PSD4: variants seen among roughly 807,000 people sequenced by gnomAD.
The protein encoded by PSD4 is PH and SEC7 domain-containing protein 4.
PSD4 carries 59 observed loss-of-function variants against 112.5 expected under a neutral mutation model. The ratio of observed to expected loss-of-function variants is 0.52; its 90% CI spans 0.43 to 0.65. The LOEUF is 0.65. Among genes scored for constraint, PSD4 ranks in the 30% least tolerant of loss-of-function variants. The pLI is 0.00. For missense variants in PSD4, 1,267 were observed against 1,352.6 expected (o/e 0.94, Z 0.99); for synonymous variants, 533 against 540.0 (o/e 0.99, Z 0.18).
rs45549541 is a variant in PSD4, at chr2:113,177,970, C to A, written c.-112+3916C>A. The stretch of plus-strand genomic sequence containing the variant: ...CTGTGGCTCATGCCTATAATCCCAG[C>A]GCTTTGGGAGGCCAAGGTAGGTGGA... On this transcript the variant is annotated intron_variant, in intron 1 of 16. Coordinates refer to ENST00000245796, the MANE Select transcript of PSD4 (RefSeq NM_012455.3). 4.8e-3 allele frequency among the ~76,000 whole-genome samples: 738 copies of A among 152,286 alleles called. 9 individuals carry two copies. The highest frequency in any genetic ancestry group is 0.017 in the African/African-American group (721 of 41,560).
intron 1 of PSD4, among the ~76,000 whole-genome samples, chr2:113,177,460 C>G (rs1414299450): frequency 6.6e-6 from 1 of 152,172 alleles, no homozygotes; most frequent in South Asian, 2.1e-4. Flanking sequence ...TTGAGTGACT[C>G]AAGTGAATTC....
chr2:113,176,438 G>A lies in PSD4; in HGVS notation c.-112+2384G>A, dbSNP rs781542764. Among the ~76,000 whole-genome samples, 76 of 152,164 alleles carry A rather than the reference G, an allele frequency of 5.0e-4. 1 individual carries two copies. Among genetic ancestry groups the A allele is most frequent in the Non-Finnish European group, 8.2e-4 (56 of 68,038 alleles). ...GAGAAACATACACCCCCTCCCCACC[G>A]TGGTGAAGATTCTCTGAAATGTAGT... On this transcript the variant is annotated intron_variant, in intron 1 of 16. Transcript: ENST00000245796.
intron 12 of PSD4, chr2:113,197,133 G>T: frequency 3.8e-6 from 1 of 265,880 alleles, no homozygotes; most frequent in Non-Finnish European, 7.4e-6. Flanking sequence ...CACAGGGAAG[G>T]GCACCCCAAA....
At chr2:113,185,853 G>A (rs777881550) in intron 4 of PSD4, 24 bp from the exon 5 acceptor site, 9 of 1,599,264 alleles carry the variant, frequency 5.6e-6, no homozygotes, top group East Asian at 2.3e-5. Context: ...CCCTGTGCCC[G>A]CCTCACTTCA....
chr2:113,182,868 A>G lies in PSD4; in HGVS notation c.412A>G (p.Ser138Gly). ...NTASPGSPVN[S>G]HLPGSPKQNR... ...AGCATCACCAGGGTCACCAGTGAACAGCCATCTACCGGGGAGCCCAAAGCA... is the reference window on the plus strand; with the variant it reads ...AGCATCACCAGGGTCACCAGTGAACGGCCATCTACCGGGGAGCCCAAAGCA... Residue 138 changes from serine (S) to glycine (G), a missense_variant, in exon 2 of 17, where the codon AGC becomes GGC. Around this residue, in one of 2 missense-constraint regions of PSD4, gnomAD observed 723 missense variants for 704.0 expected, o/e 1.03. Coordinates refer to ENST00000245796, the MANE Select transcript of PSD4 (RefSeq NM_012455.3). 6.2e-7 allele frequency: 1 copy of G among 1,614,134 alleles called. No individual in the cohort carries two copies. The highest frequency in any genetic ancestry group is 8.5e-7 in the Non-Finnish European group (1 of 1,179,988).
chr2:113,185,625 G>C (rs1688276165), intron 4 of PSD4, 185 bp downstream of exon 4: 1 of 1,548,550 alleles, frequency 6.5e-7, no homozygotes, highest in East Asian at 2.4e-5. Flanking sequence ...CGTACAAAAG[G>C]ACCAGCATTT....
At chr2:113,188,458 G>A (rs1344026277) in intron 5 of PSD4, among the ~76,000 whole-genome samples, 2 of 152,070 alleles carry the variant, frequency 1.3e-5, no homozygotes, top group African/African-American at 4.8e-5. Context: ...TGTCCAGGCT[G>A]GTCTCGAACT....
chr2:113,192,009 G>A (rs180827772), intron 5 of PSD4, among the ~76,000 whole-genome samples: 89 of 151,998 alleles, frequency 5.9e-4, no homozygotes, highest in African/African-American at 2.1e-3. Flanking sequence ...GGGACAAGGA[G>A]GTACAGGAGG....
rs1327460379 is a variant in PSD4 at position 113,182,378 on chromosome 2, C to T, written c.-79C>T. 2 of 1,340,472 alleles carry T rather than the reference C, an allele frequency of 1.5e-6. No individual in the cohort carries two copies. The highest frequency in any genetic ancestry group is 2.1e-6 in the Non-Finnish European group (2 of 973,564). 83.0% of individuals were successfully genotyped at this position (1,340,472 alleles called of 1,614,324 possible). Reference sequence around the variant, plus strand: ...ATGGATTCCCAGTTTCTCCAGCGGCCAGTGCTCCCCCTAGTCCACACAGTG... The same window carrying T: ...ATGGATTCCCAGTTTCTCCAGCGGCTAGTGCTCCCCCTAGTCCACACAGTG... On this transcript the variant is annotated 5_prime_UTR_variant, in exon 2 of 17. Coordinates refer to ENST00000245796, the MANE Select transcript of PSD4 (RefSeq NM_012455.3).
At chr2:113,192,101 G>A in intron 5 of PSD4, among the ~76,000 whole-genome samples, 1 of 151,728 alleles carries the variant, frequency 6.6e-6, no homozygotes, top group Non-Finnish European at 1.5e-5. Context: ...GGATGCACCT[G>A]CCACCTGAGG....
At chr2:113,191,396 C>T (rs1383797344) in intron 5 of PSD4, among the ~76,000 whole-genome samples, 1 of 152,174 alleles carries the variant, frequency 6.6e-6, no homozygotes, top group African/African-American at 2.4e-5. Flanking sequence ...CTGCCTTAGC[C>T]TCCTGAGTAG....
At position 113,197,631 on chromosome 2, in the gene PSD4, G is replaced by A. The variant is rs756540841; in HGVS notation, c.2454G>A (p.Leu818=). Residue 818 remains leucine (L), a synonymous_variant, in exon 13 of 17, where the codon CTG becomes CTA. Coordinates refer to ENST00000245796, the MANE Select transcript of PSD4 (RefSeq NM_012455.3). ...TLLRGMVLYF[L]KQGEDHCLEG... ...TGCGAGGGATGGTTCTCTACTTCCT[G>A]AAGGTAGGAAAGGAGCCAACACCCC... is the stretch of plus-strand genomic sequence containing the variant. The A allele has an allele frequency of 1.9e-6, 3 of 1,614,244 alleles. No homozygotes were observed. Among genetic ancestry groups the A allele is most frequent in the Non-Finnish European group, 2.5e-6 (3 of 1,180,022 alleles).
chr2:113,202,594 C>T lies in PSD4; in HGVS notation c.*1179C>T, dbSNP rs1417157595. On this transcript the variant is annotated 3_prime_UTR_variant, in exon 17 of 17. Coordinates refer to ENST00000245796, the MANE Select transcript of PSD4 (RefSeq NM_012455.3). ...TGTTCTCTGAGGGAGGTTCCGGAGA[C>T]TCATGGACTTGGGGCTCTGCCTGTA... 6.6e-6 allele frequency: 1 copy of T among 152,466 alleles called. No individual in the cohort carries two copies. Among genetic ancestry groups the T allele is most frequent in the Non-Finnish European group, 1.5e-5 (1 of 68,240 alleles). The allele number at this position is 152,466 out of a possible 1,614,324, so 9.4% of individuals were successfully genotyped here.
In PSD4 at chr2:113,183,187, T is replaced by C; in HGVS notation, c.731T>C (p.Met244Thr). ...SPQWGAEEESMFFSNPLFLAS... is the reference protein window; with the variant it reads ...SPQWGAEEESTFFSNPLFLAS... ...CAGTGGGGAGCTGAGGAGGAGAGCA[T>C]GTTCTTCAGCAACCCCCTCTTCCTG... is the stretch of plus-strand genomic sequence containing the variant. Residue 244 changes from methionine (M) to threonine (T), a missense_variant, in exon 2 of 17, where the codon ATG becomes ACG. By Grantham distance (81) the Met-to-Thr change is moderately conservative (BLOSUM62 -1). Coordinates refer to ENST00000245796, the MANE Select transcript of PSD4 (RefSeq NM_012455.3). 6.2e-7 allele frequency: 1 copy of C among 1,614,144 alleles called. No individual in the cohort carries two copies. Among genetic ancestry groups the C allele is most frequent in the Non-Finnish European group, 8.5e-7 (1 of 1,180,012 alleles).
chr2:113,183,495 G>A lies in PSD4; in HGVS notation c.1039G>A (p.Gly347Ser). The A allele has an allele frequency of 6.3e-7, 1 of 1,581,536 alleles. No homozygotes were observed. The highest frequency in any genetic ancestry group is 8.6e-7 in the Non-Finnish European group (1 of 1,166,002). The change falls in exon 2 of 17, where the codon GGT becomes AGT. Residue 347 changes from glycine to serine, a missense_variant. By Grantham distance (56) the Gly-to-Ser change is moderately conservative (BLOSUM62 0). Transcript: ENST00000245796. ...AAEGAPAAPPGHGESEGDRLG... is the reference protein window; with the variant it reads ...AAEGAPAAPPSHGESEGDRLG... ...TGAGGGGGCTCCTGCAGCACCTCCT[G>A]GTCACGGGGAGAGTGAGGTAAGCCC...
chr2:113,183,348 T>C lies in PSD4; in HGVS notation c.892T>C (p.Trp298Arg), dbSNP rs753748265. The C allele has an allele frequency of 1.3e-6, 2 of 1,594,056 alleles. No homozygotes were observed. Among genetic ancestry groups the C allele is most frequent in the African/African-American group, 1.3e-5 (1 of 74,398 alleles). The change falls in exon 2 of 17, where the codon TGG becomes CGG. Residue 298 changes from tryptophan to arginine, a missense_variant. Transcript: ENST00000245796. Reference sequence around the variant, plus strand: ...TCCCCTCCCAGAAGACACAGTGCTGTGGGAGCTGGAAAGTGAGCCAGATTT... The same window carrying C: ...TCCCCTCCCAGAAGACACAGTGCTGCGGGAGCTGGAAAGTGAGCCAGATTT... ...EPPLPEDTVL[W>R]ELESEPDLGD...
intron 5 of PSD4, among the ~76,000 whole-genome samples, chr2:113,190,032 A>C (rs1480324549): frequency 6.6e-6 from 1 of 152,106 alleles, no homozygotes; most frequent in Non-Finnish European, 1.5e-5. Context: ...AGTCCTGGCA[A>C]TTTATCTTTG....
At chr2:113,179,878 G>A (rs1334655282) in intron 1 of PSD4, among the ~76,000 whole-genome samples, 3 of 152,252 alleles carry the variant, frequency 2.0e-5, no homozygotes, top group East Asian at 1.9e-4. Flanking sequence ...GGACCATTCC[G>A]GGTGGGCTGG....
chr2:113,191,468 C>T (rs1029462397), intron 5 of PSD4, among the ~76,000 whole-genome samples: 3 of 152,160 alleles, frequency 2.0e-5, no homozygotes, highest in African/African-American at 7.2e-5. Context: ...GACAGCGTTT[C>T]GCCATGATGG....
Sources: allele counts gnomAD v4.1 joint callset (sites outside exome capture counted in the v4.1 genomes callset), GRCh38; gene constraint gnomAD v4.1.1; regional missense constraint gnomAD v4.1.1; transcripts MANE v1.5; gene names NCBI Gene and HGNC (gene_info 2026-07-23, HGNC 2026-07-21).